Variants in EPHA10 observed in about 807,000 individuals in gnomAD.
The protein encoded by EPHA10 is ephrin type-A receptor 10.
A neutral mutation model predicts 109.7 loss-of-function variants in EPHA10; 120 were observed. The ratio of observed to expected loss-of-function variants is 1.09; its 90% confidence interval spans 0.94 to 1.27. The LOEUF is 1.27. Among genes scored for constraint, EPHA10 ranks in the 50% most tolerant of loss-of-function variants. The pLI, the probability that EPHA10 is intolerant of heterozygous loss-of-function variation, is 0.00. For synonymous variants in EPHA10, 640 were observed against 618.9 expected, an observed-to-expected ratio of 1.03 and a Z score of -0.51; for missense variants, 1,396 against 1,411.1, an observed-to-expected ratio of 0.99 and a Z score of 0.17.
At position 37,718,510 on chromosome 1, in the gene EPHA10, C is replaced by T. The variant is rs773978350; in HGVS notation, c.2913-24G>A. The T allele has an allele frequency of 9.9e-6, 16 of 1,612,800 alleles. No homozygotes were observed. In the East Asian group the frequency reaches 1.3e-4, roughly 13 times the overall value. ...CCCTGAAACAAAGGCTGGTCACACT[C>T]GGCTGGCTTGTCCCCAACTTCTGCT... is the stretch of plus-strand genomic sequence containing the variant. On this transcript the variant is annotated intron_variant, in intron 16 of 16. Coordinates refer to ENST00000373048, the MANE Select transcript of EPHA10 (RefSeq NM_001099439.2).
chr1:37,730,323 G>A (rs1645961031), intron 7 of EPHA10, among the ~76,000 whole-genome samples: 1 of 152,174 alleles, frequency 6.6e-6, no homozygotes, highest in Admixed American at 6.6e-5. Context: ...CATGTAGCAG[G>A]TTGGAAAGAA....
In EPHA10 at chr1:37,720,422, C is replaced by A. The variant is rs202083700; in HGVS notation, c.2341G>T (p.Asp781Tyr). 6.2e-7 allele frequency: 1 copy of A among 1,613,508 alleles called. No individual in the cohort carries two copies. Among genetic ancestry groups the A allele is most frequent in the Non-Finnish European group, 8.5e-7 (1 of 1,179,998 alleles). Residue 781 changes from aspartate to tyrosine, a missense_variant, in exon 13 of 17, where the codon GAC (aspartate) becomes TAC (tyrosine). Physicochemically the swap from Asp to Tyr is radical, Grantham distance 160 (BLOSUM62 -3). Coordinates refer to ENST00000373048, the MANE Select transcript of EPHA10 (RefSeq NM_001099439.2). ...LAARHVLVSS[D>Y]LVCKISGFGR... The stretch of plus-strand genomic sequence containing the variant: ...AAGCCAGAGATCTTGCAGACAAGGT[C>A]GCTGCTGACCAGCACATGGCGAGCT...
intron 5 of EPHA10, among the ~76,000 whole-genome samples, chr1:37,741,872 G>A (rs1646160279): frequency 6.6e-6 from 1 of 151,962 alleles, no homozygotes; most frequent in African/African-American, 2.4e-5. Context: ...GCGCTTCTCA[G>A]CCAAAATTCA....
chr1:37,752,911 G>T lies in EPHA10; in HGVS notation c.1322C>A (p.Thr441Asn), dbSNP rs1355379555. The T allele has an allele frequency of 2.9e-5, 38 of 1,314,044 alleles. No individual in the cohort carries two copies. In the Middle Eastern group the frequency reaches 8.7e-4, roughly 30 times the overall value. The allele number at this position is 1,314,044 out of a possible 1,614,324, so 81.4% of individuals were successfully genotyped here. The change falls in exon 5 of 17, where the codon ACC (threonine) becomes AAC (asparagine). Residue 441 changes from threonine (T) to asparagine (N), a missense_variant. Transcript: ENST00000373048. ...GGTGGAGACGGTGACCTGCGCGTAGGTGGTTCCCGCGGCGGCCGCCGGGCC... is the reference window on the plus strand; with the variant it reads ...GGTGGAGACGGTGACCTGCGCGTAGTTGGTTCCCGCGGCGGCCGCCGGGCC... The part of the protein sequence containing the change: ...VSGPAAAAGT[T>N]YAQVTVSTGP...
chr1:37,722,993 G>A, intron 10 of EPHA10, 48 bp downstream of exon 10: 3 of 1,613,366 alleles, frequency 1.9e-6, no homozygotes, highest in Non-Finnish European at 2.5e-6. Context: ...CCTATAGAGT[G>A]GGTGAGGCTT....
intron 5 of EPHA10, among the ~76,000 whole-genome samples, chr1:37,739,957 G>A (rs1646128541): frequency 6.6e-6 from 1 of 152,030 alleles, no homozygotes; most frequent in Non-Finnish European, 1.5e-5. Context: ...AGCTGGGCAT[G>A]GTGTCACACA....
intron 8 of EPHA10, among the ~76,000 whole-genome samples, chr1:37,723,942 C>T (rs1195489991): frequency 1.3e-5 from 2 of 152,252 alleles, no homozygotes; most frequent in African/African-American, 4.8e-5. Flanking sequence ...CAGGCCGGTA[C>T]TTGGGGCCCC....
rs934895440 is a variant in EPHA10 at position 37,754,147 on chromosome 1, A to G, written c.1006+68T>C. 8.0e-7 allele frequency: 1 copy of G among 1,249,780 alleles called. No homozygotes were observed. Among genetic ancestry groups the G allele is most frequent in the African/African-American group, 1.6e-5 (1 of 64,344 alleles). The allele number at this position is 1,249,780 out of a possible 1,614,324, so 77.4% of individuals were successfully genotyped here. A position where few individuals can be genotyped will look rare whatever the true frequency, so the allele number is the denominator to read the frequency against. ...AGACCCTGCCCTCACCACCACCTGGATCAGGCCTTCCTTCTTGGCCACTCC... is the reference window on the plus strand; with the variant it reads ...AGACCCTGCCCTCACCACCACCTGGGTCAGGCCTTCCTTCTTGGCCACTCC... On this transcript the variant is annotated intron_variant, in intron 4 of 16. Transcript: ENST00000373048. The surrounding 1 kb of genome is among the most constrained non-coding windows in gnomAD (Gnocchi z 4.5).
chr1:37,734,513 G>C (rs763388450), intron 6 of EPHA10: 120 of 408,308 alleles, frequency 2.9e-4, no homozygotes, highest in Non-Finnish European at 5.3e-4. Context: ...CAGCCTGGGT[G>C]ACAAGAATGA....
intron 10 of EPHA10, chr1:37,722,338 A>G (rs533145243): frequency 3.6e-4 from 83 of 229,352 alleles, no homozygotes; most frequent in African/African-American, 1.8e-3. Flanking sequence ...GCCGACTGCC[A>G]TCAAACCCCA....
intron 5 of EPHA10, among the ~76,000 whole-genome samples, chr1:37,741,284 A>C (rs547405080): frequency 6.6e-6 from 1 of 152,354 alleles, no homozygotes; most frequent in Non-Finnish European, 1.5e-5. Flanking sequence ...GAGAGGAGAC[A>C]ACAGAGTAAG....
At chr1:37,760,290 T>G (rs1333910252) in intron 3 of EPHA10, 3 of 1,034,604 alleles carry the variant, frequency 2.9e-6, no homozygotes, top group Non-Finnish European at 3.5e-6. Flanking sequence ...AAGCATACCT[T>G]GATCTTTCTA....
At chr1:37,747,787 A>T (rs965260054) in intron 5 of EPHA10, among the ~76,000 whole-genome samples, 1 of 151,804 alleles carries the variant, frequency 6.6e-6, no homozygotes, top group African/African-American at 2.4e-5. Context: ...AATAATAATA[A>T]ATCATAAAAT....
At chr1:37,747,542 G>A (rs1646257810) in intron 5 of EPHA10, among the ~76,000 whole-genome samples, 5 of 110,224 alleles carry the variant, frequency 4.5e-5, no homozygotes, top group African/African-American at 1.9e-4. Flanking sequence ...CAGGCAGAGT[G>A]AAACTGTCTC....
chr1:37,740,718 C>T (rs760461337), intron 5 of EPHA10, among the ~76,000 whole-genome samples: 5 of 151,966 alleles, frequency 3.3e-5, no homozygotes, highest in Admixed American at 6.6e-5. Context: ...CACACATATA[C>T]GGGAGATAAT....
intron 5 of EPHA10, among the ~76,000 whole-genome samples, chr1:37,741,857 C>G (rs1024702586): frequency 9.9e-5 from 15 of 152,114 alleles, no homozygotes; most frequent in Non-Finnish European, 1.9e-4. Flanking sequence ...CCCTATCCCC[C>G]GGGGGCGCTT....
At chr1:37,732,214 C>T (rs1161119795) in intron 6 of EPHA10, among the ~76,000 whole-genome samples, 1 of 152,174 alleles carries the variant, frequency 6.6e-6, no homozygotes. Flanking sequence ...CTGTGAGCCT[C>T]ACAACAGCCC....
At position 37,761,688 on chromosome 1, in the gene EPHA10, G is replaced by A. The variant is rs748626732; in HGVS notation, c.567C>T (p.His189=). Residue 189 remains histidine, a synonymous_variant, in exon 3 of 17, where the codon CAC becomes CAT. Coordinates refer to ENST00000373048, the MANE Select transcript of EPHA10 (RefSeq NM_001099439.2). The part of the protein sequence containing the change: ...EIGPLSRRGF[H]LAFQDVGACV... ...ATGCGCCCACGTCCTGAAAGGCCAG[G>A]TGGAAACCCCGCCGGCTGAGCGGTC... 6 of 1,612,464 alleles carry A rather than the reference G, an allele frequency of 3.7e-6. No homozygotes were observed. The highest frequency in any genetic ancestry group is 2.2e-5 in the South Asian group (2 of 91,072).
chr1:37,758,952 G>A (rs2148369470), intron 3 of EPHA10, among the ~76,000 whole-genome samples: 1 of 152,282 alleles, frequency 6.6e-6, no homozygotes, highest in Middle Eastern at 3.4e-3. Context: ...TTCTCCTCCT[G>A]TATCACATGG....
Sources: allele counts gnomAD v4.1 joint callset (sites outside exome capture counted in the v4.1 genomes callset), GRCh38; gene constraint gnomAD v4.1.1; non-coding constraint Gnocchi (gnomAD v3.1); transcripts MANE v1.5; gene names NCBI Gene and HGNC (gene_info 2026-07-23, HGNC 2026-07-21).